PITRM1: variants seen among roughly 807,000 people sequenced by gnomAD.
PITRM1 encodes the protein pitrilysin metallopeptidase 1.
A neutral mutation model predicts 129.9 loss-of-function variants in PITRM1; 100 were observed. The ratio of observed to expected loss-of-function variants is 0.77; its 90% CI spans 0.65 to 0.91. PITRM1 has a LOEUF of 0.91. PITRM1 is among the 40% of genes least tolerant of loss of function. The pLI is 0.00. For missense variants in PITRM1, 1,471 were observed against 1,318.3 expected (o/e 1.12, Z -1.79); for synonymous variants, 591 against 508.8 (o/e 1.16, Z -2.17).
Position 3,145,651 on chromosome 10 carries a change from C to T in PITRM1, c.2402G>A (p.Arg801Lys). Residue 801 changes from arginine (R) to lysine (K), a missense_variant, in exon 21 of 27, where the codon AGA (arginine) becomes AAA (lysine). Arg to Lys is a conservative substitution (Grantham distance 26). Coordinates refer to ENST00000224949, the MANE Select transcript of PITRM1 (RefSeq NM_014889.4). ...QTEKAVEDFL[R>K]SIGRSKKERR... ...TTCCTTTTTACTCCGACCGATGCTT[C>T]TAAGGAAGTCTTCGACCGCTTTTTC... is the stretch of plus-strand genomic sequence containing the variant. The T allele has an allele frequency of 6.4e-7, 1 of 1,550,542 alleles. No homozygotes were observed. The highest frequency in any genetic ancestry group is 2.0e-5 in the Admixed American group (1 of 51,052).
intron 6 of PITRM1, 105 bp from the exon 7 acceptor site, chr10:3,163,990 T>C (rs1842668276): frequency 1.6e-6 from 1 of 638,900 alleles, no homozygotes; most frequent in Non-Finnish European, 2.4e-6. Flanking sequence ...CATACACCTG[T>C]AATACTTTGC....
At chr10:3,142,703 C>A (rs1840378499) in intron 23 of PITRM1, among the ~76,000 whole-genome samples, 1 of 152,238 alleles carries the variant, frequency 6.6e-6, no homozygotes, top group Non-Finnish European at 1.5e-5. Flanking sequence ...TGACTCTTGG[C>A]TGTGGCTTCG....
At chr10:3,171,061 T>G (rs1564443999) in intron 1 of PITRM1, among the ~76,000 whole-genome samples, 1 of 143,822 alleles carries the variant, frequency 7.0e-6, no homozygotes, top group Non-Finnish European at 1.5e-5. Context: ...GACAAAAATG[T>G]CAGCACGAAC....
At chr10:3,141,795 G>A (rs1247231398) in intron 23 of PITRM1, 4 of 360,568 alleles carry the variant, frequency 1.1e-5, no homozygotes, top group African/African-American at 4.3e-5. Flanking sequence ...AGGAGTGGGC[G>A]TGTTCCCAGG....
At chr10:3,153,644 A>C (rs1841717005) in intron 14 of PITRM1, among the ~76,000 whole-genome samples, 1 of 152,122 alleles carries the variant, frequency 6.6e-6, no homozygotes, top group Admixed American at 6.5e-5. Flanking sequence ...AAAACAACAA[A>C]AAAAAACCAG....
chr10:3,161,861 AAAAAG>A (rs1842467773), intron 7 of PITRM1, among the ~76,000 whole-genome samples: 1 of 143,974 alleles, frequency 6.9e-6, no homozygotes, highest in African/African-American at 2.4e-5. Flanking sequence ...GAAAAAAAAA[AAAAAG>A]AAGAAAAGAA....
Position 3,170,222 on chromosome 10 carries a change from T to C in PITRM1, c.57-16A>G. On this transcript the variant is annotated splice_polypyrimidine_tract_variant and intron_variant, in intron 1 of 26. Transcript: ENST00000224949. ...GTGTGCATGTCTAGATTAAAAGTCATCTAAGTTAGATGAGTTGCAGGAAAA... is the reference window on the plus strand; with the variant it reads ...GTGTGCATGTCTAGATTAAAAGTCACCTAAGTTAGATGAGTTGCAGGAAAA... 1 of 1,600,578 alleles carries C rather than the reference T, an allele frequency of 6.2e-7. No homozygotes were observed. Among genetic ancestry groups the C allele is most frequent in the Non-Finnish European group, 8.6e-7 (1 of 1,168,056 alleles).
chr10:3,163,103 T>G (rs947798462), intron 7 of PITRM1: 2 of 152,218 alleles, frequency 1.3e-5, no homozygotes, highest in African/African-American at 4.8e-5. Flanking sequence ...TGATAAGTGT[T>G]TAGGGGCTCA....
intron 15 of PITRM1, 33 bp downstream of exon 15, chr10:3,151,214 G>C: frequency 8.2e-7 from 1 of 1,220,688 alleles, no homozygotes; most frequent in Non-Finnish European, 1.2e-6. Flanking sequence ...CAAGGAACCC[G>C]AGACCCGGGA....
At position 3,137,744 on chromosome 10, in the gene PITRM1, CTTTATT is replaced by C. The variant is rs1839676245; in HGVS notation, c.*281_*286del. The C allele has an allele frequency of 2.3e-6, 1 of 430,268 alleles. No homozygotes were observed. Among genetic ancestry groups the C allele is most frequent in the Admixed American group, 3.6e-5 (1 of 27,700 alleles). 26.7% of individuals were successfully genotyped at this position (430,268 alleles called of 1,614,324 possible). A position where few individuals can be genotyped will look rare whatever the true frequency, so the allele number is the denominator to read the frequency against. ...AAGCAGAGGTTAAGTCAGAGTTGCC[CTTTATT>C]TTTAGATTCTTAAATATTCTAGAAT... On this transcript the variant is annotated 3_prime_UTR_variant, in exon 27 of 27. Coordinates refer to ENST00000224949, the MANE Select transcript of PITRM1 (RefSeq NM_014889.4).
rs1255948685 is a variant in PITRM1 at position 3,149,635 on chromosome 10, G to A, written c.1857C>T (p.Cys619=). 6.3e-7 allele frequency: 1 copy of A among 1,577,850 alleles called. No individual in the cohort carries two copies. Among genetic ancestry groups the A allele is most frequent in the Admixed American group, 1.9e-5 (1 of 51,316 alleles). The part of the protein sequence containing the change: ...EELRPYVPLF[C]SVLTKLGCGL... ...GCGACTCGTACTTGGTGAGGACGCTGCAGAAGAGGGGCACATAGGGCCTCA... is the reference window on the plus strand; with the variant it reads ...GCGACTCGTACTTGGTGAGGACGCTACAGAAGAGGGGCACATAGGGCCTCA... The change falls in exon 16 of 27, where the codon TGC becomes TGT. Residue 619 remains cysteine, a synonymous_variant. Coordinates refer to ENST00000224949, the MANE Select transcript of PITRM1 (RefSeq NM_014889.4).
At chr10:3,143,681 G>C (rs74112931) in intron 22 of PITRM1, 180 bp from the exon 23 acceptor site, 2 of 711,174 alleles carry the variant, frequency 2.8e-6, no homozygotes, top group South Asian at 3.0e-5. Flanking sequence ...GCTGGGGCGC[G>C]AGAGCAAGGC....
chr10:3,143,199 A>T, intron 23 of PITRM1, 190 bp downstream of exon 23: 1 of 592,544 alleles, frequency 1.7e-6, no homozygotes, highest in Non-Finnish European at 3.0e-6. Context: ...ACTGGCTCTA[A>T]AACTGGGTCT....
Position 3,155,678 on chromosome 10 carries a change from C to A in PITRM1, c.1534G>T (p.Glu512Ter). ...LSMRPDDKYHEKQAQVEATKL... is the reference protein window; with the variant it reads ...LSMRPDDKYH ...GTGGCTTCCACCTGTGCCTGCTTCT[C>A]GTGATACTTGTCATCTGGCCTCATC... The change falls in exon 14 of 27, where the codon GAG becomes TAG. Residue 512 changes from glutamate to a stop codon, truncating the protein, a stop_gained. Coordinates refer to ENST00000224949, the MANE Select transcript of PITRM1 (RefSeq NM_014889.4). LOFTEE classifies it high-confidence loss of function. 1.2e-6 allele frequency: 2 copies of A among 1,613,906 alleles called. No homozygotes were observed. The highest frequency in any genetic ancestry group is 2.2e-5 in the South Asian group (2 of 91,076).
rs112927453 is a variant in PITRM1, at chr10:3,166,758, T to C, written c.266+178A>G. On this transcript the variant is annotated intron_variant, in intron 3 of 26. Coordinates refer to ENST00000224949, the MANE Select transcript of PITRM1 (RefSeq NM_014889.4). ...CAAATTCATACACTTTCTTAAAACATTGAGGGGTCCTTTATTTATTATTTT... is the reference window on the plus strand; with the variant it reads ...CAAATTCATACACTTTCTTAAAACACTGAGGGGTCCTTTATTTATTATTTT... 4.8e-3 allele frequency among the ~76,000 whole-genome samples: 737 copies of C among 152,322 alleles called. 6 individuals are homozygous for C. Among genetic ancestry groups the C allele is most frequent in the African/African-American group, 0.017 (697 of 41,578 alleles).
intron 23 of PITRM1, among the ~76,000 whole-genome samples, chr10:3,141,019 G>A (rs1840137720): frequency 6.6e-6 from 1 of 152,178 alleles, no homozygotes; most frequent in East Asian, 1.9e-4. Flanking sequence ...ACAGCTCACT[G>A]CAGCTTTGAA....
intron 6 of PITRM1, 84 bp downstream of exon 6, chr10:3,165,154 A>C: frequency 2.0e-6 from 2 of 979,316 alleles, no homozygotes; most frequent in Non-Finnish European, 3.0e-6. Flanking sequence ...AATATTAAAT[A>C]AAATCTTCCA....
intron 21 of PITRM1, chr10:3,145,003 G>A (rs536039587): frequency 6.5e-6 from 1 of 153,140 alleles, no homozygotes; most frequent in East Asian, 1.9e-4. Flanking sequence ...TGCAGGCAGA[G>A]GGGCCTGGAG....
At chr10:3,153,477 G>A (rs1350126596) in intron 14 of PITRM1, among the ~76,000 whole-genome samples, 1 of 152,090 alleles carries the variant, frequency 6.6e-6, no homozygotes, top group Non-Finnish European at 1.5e-5. Flanking sequence ...AAATCAGCTG[G>A]GCGTGGTGGT....
Sources: gnomAD v4.1 joint callset for allele counts (sites outside exome capture counted in the v4.1 genomes callset) on GRCh38, gnomAD v4.1.1 for gene constraint, MANE v1.5 for transcripts, NCBI Gene and HGNC (gene_info 2026-07-23, HGNC 2026-07-21) for gene names.